The following FAM83B variants were observed in gnomAD, a reference collection of about 807,000 sequenced individuals.
FAM83B encodes scaffolding CK1 anchoring protein B, also known as protein FAM83B.
In FAM83B, 26 loss-of-function variants were observed where a neutral mutation model predicts 38.8. The ratio of observed to expected loss-of-function variants is 0.67; its 90% CI spans 0.49 to 0.93. The LOEUF (loss-of-function observed/expected upper bound fraction) is 0.93, where lower values mean the gene tolerates loss of function less well. Among genes scored for constraint, FAM83B ranks in the 40% least tolerant of loss-of-function variants. The pLI, the probability that FAM83B is intolerant of heterozygous loss-of-function variation, is 0.00. For synonymous variants in FAM83B, 419 were observed against 423.1 expected (o/e 0.99, Z 0.12); for missense variants, 1,237 against 1,197.3 (o/e 1.03, Z -0.49).
intron 4 of FAM83B, among the ~76,000 whole-genome samples, chr6:54,938,116 C>T (rs544046218): frequency 6.6e-6 from 1 of 152,182 alleles, no homozygotes; most frequent in South Asian, 2.1e-4. Context: ...TGAGAATATA[C>T]AATATTTTGT....
chr6:54,853,008 C>G (rs1771347326), intron 1 of FAM83B, among the ~76,000 whole-genome samples: 1 of 152,030 alleles, frequency 6.6e-6, no homozygotes, highest in Admixed American at 6.6e-5. Context: ...CAAGACAATC[C>G]TTTTTGGCCC....
At chr6:54,909,591 A>G (rs186700652) in intron 2 of FAM83B, among the ~76,000 whole-genome samples, 1 of 152,340 alleles carries the variant, frequency 6.6e-6, no homozygotes, top group Admixed American at 6.5e-5. Flanking sequence ...GCTTTGGAGA[A>G]ATAACAGTGA....
At chr6:54,895,686 T>C (rs1190113039) in intron 2 of FAM83B, among the ~76,000 whole-genome samples, 1 of 152,146 alleles carries the variant, frequency 6.6e-6, no homozygotes, top group Non-Finnish European at 1.5e-5. Context: ...GAGGGACTTC[T>C]ACTGAATTAG....
intron 2 of FAM83B, among the ~76,000 whole-genome samples, chr6:54,907,639 A>T (rs900754028): frequency 6.7e-6 from 1 of 149,070 alleles, no homozygotes; most frequent in Non-Finnish European, 1.5e-5. Flanking sequence ...ATTTTTTTTT[A>T]AAAAACAGTG....
At position 54,944,135 on chromosome 6, in the gene FAM83B, G is replaced by GTC. The variant is rs1773757930; in HGVS notation, c.*2132_*2133dup. The GTC allele has an allele frequency of 1.3e-5, 2 of 152,064 alleles. No homozygotes were observed. The highest frequency in any genetic ancestry group is 2.4e-5 in the African/African-American group (1 of 41,390). The allele number at this position is 152,064 out of a possible 1,614,324, so 9.4% of individuals were successfully genotyped here. On this transcript the variant is annotated 3_prime_UTR_variant, in exon 5 of 5. Coordinates refer to ENST00000306858, the MANE Select transcript of FAM83B (RefSeq NM_001010872.3). ...AATATGTACATAACAACTTTCCAAA[G>GTC]TCTCTGTGGCCAAAACCTCTCCAGG... is the stretch of plus-strand genomic sequence containing the variant.
intron 2 of FAM83B, among the ~76,000 whole-genome samples, chr6:54,888,946 G>GT (rs1179095325): frequency 3.3e-5 from 5 of 151,760 alleles, no homozygotes; most frequent in South Asian, 2.1e-4. Context: ...TCATTTTTGT[G>GT]TTTTTTATAA....
chr6:54,882,575 C>G (rs1415451441), intron 2 of FAM83B, among the ~76,000 whole-genome samples: 2 of 152,126 alleles, frequency 1.3e-5, no homozygotes, highest in African/African-American at 2.4e-5. Flanking sequence ...TCCATGCAAA[C>G]CAGCTGAACA....
At position 54,944,282 on chromosome 6, in the gene FAM83B, TC is replaced by T. The variant is rs1256414480; in HGVS notation, c.*2279del. ...AAGCCATATACTTTCTGTCTTTTTT[TC>T]CCCATATTAATATTGGGGGGCGGAT... On this transcript the variant is annotated 3_prime_UTR_variant, in exon 5 of 5. Transcript: ENST00000306858. The T allele has an allele frequency of 2.6e-5, 4 of 152,184 alleles. No homozygotes were observed. Among genetic ancestry groups the T allele is most frequent in the Admixed American group, 6.5e-5 (1 of 15,282 alleles). 9.4% of individuals were successfully genotyped at this position (152,184 alleles called of 1,614,324 possible).
At chr6:54,892,261 G>C (rs1004651791) in intron 2 of FAM83B, among the ~76,000 whole-genome samples, 4 of 151,594 alleles carry the variant, frequency 2.6e-5, no homozygotes, top group Non-Finnish European at 5.9e-5. Flanking sequence ...TTCTGCCTCT[G>C]AATCTTTTTT....
At chr6:54,880,904 T>C (rs188889929) in intron 2 of FAM83B, among the ~76,000 whole-genome samples, 1 of 152,204 alleles carries the variant, frequency 6.6e-6, no homozygotes, top group Non-Finnish European at 1.5e-5. Flanking sequence ...GAGACATACA[T>C]GTATACACAA....
chr6:54,931,368 T>C (rs188647514), intron 4 of FAM83B, among the ~76,000 whole-genome samples: 89 of 152,306 alleles, frequency 5.8e-4, no homozygotes, highest in African/African-American at 1.9e-3. Context: ...GCATTCATTA[T>C]TGAAAGTAGA....
intron 1 of FAM83B, among the ~76,000 whole-genome samples, chr6:54,862,872 C>A (rs193264157): frequency 1.1e-3 from 163 of 151,654 alleles, no homozygotes; most frequent in African/African-American, 3.5e-3. Flanking sequence ...TGCAAAAACC[C>A]CCCCCCAAAA....
At chr6:54,906,267 C>G (rs1179307931) in intron 2 of FAM83B, among the ~76,000 whole-genome samples, 1 of 152,126 alleles carries the variant, frequency 6.6e-6, no homozygotes, top group Non-Finnish European at 1.5e-5. Flanking sequence ...GAATCTGTGA[C>G]AATTACCCTA....
intron 4 of FAM83B, among the ~76,000 whole-genome samples, chr6:54,936,049 G>T (rs1773517388): frequency 6.6e-6 from 1 of 152,068 alleles, no homozygotes; most frequent in Non-Finnish European, 1.5e-5. Context: ...GAAGAGGTCA[G>T]CACTGGCAAT....
At chr6:54,899,521 C>G (rs1004546522) in intron 2 of FAM83B, among the ~76,000 whole-genome samples, 1 of 152,152 alleles carries the variant, frequency 6.6e-6, no homozygotes, top group South Asian at 2.1e-4. Context: ...AGCTTTTAAA[C>G]AGCAGGTATT....
intron 2 of FAM83B, among the ~76,000 whole-genome samples, chr6:54,901,687 A>G (rs1772665227): frequency 6.6e-6 from 1 of 152,196 alleles, no homozygotes; most frequent in South Asian, 2.1e-4. Flanking sequence ...CGGTCAAGGT[A>G]CTAAGCTCTT....
intron 2 of FAM83B, among the ~76,000 whole-genome samples, chr6:54,907,344 C>T (rs1015988345): frequency 2.0e-5 from 3 of 151,536 alleles, no homozygotes; most frequent in Non-Finnish European, 4.4e-5. Flanking sequence ...GAAGTATTAC[C>T]GTGGAAAATA....
chr6:54,926,922 A>T (rs9475069), intron 3 of FAM83B, among the ~76,000 whole-genome samples: 46,294 of 151,570 alleles, frequency 0.31, 8,614 homozygotes, highest in East Asian at 0.8. Flanking sequence ...TTTAGTAGAG[A>T]CGGGGTTTCA....
chr6:54,929,405 G>C (rs1773375075), intron 4 of FAM83B, among the ~76,000 whole-genome samples: 1 of 152,062 alleles, frequency 6.6e-6, no homozygotes, highest in Non-Finnish European at 1.5e-5. Flanking sequence ...TTCCTGGAGA[G>C]GCCCAGAATC....
Sources: allele counts gnomAD v4.1 joint callset (sites outside exome capture counted in the v4.1 genomes callset), GRCh38; gene constraint gnomAD v4.1.1; transcripts MANE v1.5; gene names NCBI Gene and HGNC (gene_info 2026-07-23, HGNC 2026-07-21).